AGMO: variants seen among roughly 807,000 people sequenced by gnomAD.
AGMO encodes glyceryl-ether monooxygenase.
Under a neutral mutation model 60.2 loss-of-function variants are expected in AGMO, and 75 were observed. The observed-to-expected ratio is 1.25, with a 90% CI of 1.03 to 1.51. The LOEUF is 1.51. Ranked by LOEUF, AGMO falls within the 40% of genes most tolerant of loss-of-function variation. AGMO has a pLI of 0.00. For missense variants in AGMO, 763 were observed against 525.5 expected, an observed-to-expected ratio of 1.45 and a Z score of -4.42; for synonymous variants, 261 against 177.1, an observed-to-expected ratio of 1.47 and a Z score of -3.76.
intron 12 of AGMO, among the ~76,000 whole-genome samples, chr7:15,231,634 T>C (rs1440044768): frequency 1.3e-5 from 2 of 152,226 alleles, no homozygotes; most frequent in African/African-American, 4.8e-5. Context: ...ATGTTCCATT[T>C]TGCAAAGCAA....
chr7:15,455,863 T>G (rs1781986923), intron 3 of AGMO, among the ~76,000 whole-genome samples: 1 of 152,132 alleles, frequency 6.6e-6, no homozygotes, highest in South Asian at 2.1e-4. Flanking sequence ...TATTCTAAAA[T>G]TTCACAATGA....
intron 12 of AGMO, among the ~76,000 whole-genome samples, chr7:15,354,448 GTGTGTATACAC>G (rs1782418104): frequency 4.5e-5 from 1 of 22,250 alleles, no homozygotes; most frequent in African/African-American, 3.6e-4. Flanking sequence ...ATACACACGT[GTGTGTATACAC>G]ACGTGTGTGT....
intron 3 of AGMO, among the ~76,000 whole-genome samples, chr7:15,533,195 A>T (rs896433864): frequency 6.6e-6 from 1 of 152,094 alleles, no homozygotes; most frequent in African/African-American, 2.4e-5. Flanking sequence ...TAAGTAATAT[A>T]TATTGCCATT....
intron 3 of AGMO, among the ~76,000 whole-genome samples, chr7:15,476,514 AT>A (rs2128515195): frequency 6.6e-6 from 1 of 152,208 alleles, no homozygotes; most frequent in South Asian, 2.1e-4. Context: ...GAAGTAAGTT[AT>A]TATCTCTGTA....
In AGMO at chr7:15,394,127, T is replaced by G; in HGVS notation, c.662A>C (p.His221Pro). 4.3e-6 allele frequency: 7 copies of G among 1,611,622 alleles called. No individual in the cohort carries two copies. Among genetic ancestry groups the G allele is most frequent in the Non-Finnish European group, 5.9e-6 (7 of 1,178,268 alleles). ...LELILNTPSHHRVHHGRNRYC... is the reference protein window; with the variant it reads ...LELILNTPSHPRVHHGRNRYC... ...AACTTCCTTACCATGATGAACCCTA[T>G]GATGGCTAGGAGTATTAAGAATCAG... The change falls in exon 6 of 13, where the codon CAT becomes CCT. Residue 221 changes from histidine to proline, a missense_variant. Coordinates refer to ENST00000342526, the MANE Select transcript of AGMO (RefSeq NM_001004320.2).
At chr7:15,145,334 T>C in the AGMO span, among the ~76,000 whole-genome samples, 1 of 152,126 alleles carries the variant, frequency 6.6e-6, no homozygotes, top group Non-Finnish European at 1.5e-5. Context: ...TAAAATAAAA[T>C]AGCACACAGT....
chr7:15,147,164 C>A, the AGMO span, among the ~76,000 whole-genome samples: 1 of 152,072 alleles, frequency 6.6e-6, no homozygotes, highest in African/African-American at 2.4e-5. Flanking sequence ...ACATGCCAAC[C>A]TTAGAAGAAG....
intron 3 of AGMO, among the ~76,000 whole-genome samples, chr7:15,542,560 G>A (rs1784657977): frequency 6.6e-6 from 1 of 152,150 alleles, no homozygotes; most frequent in Non-Finnish European, 1.5e-5. Flanking sequence ...ACACATCCGT[G>A]TTGGGTAGTG....
intron 4 of AGMO, among the ~76,000 whole-genome samples, chr7:15,419,672 ATG>A (rs948961478): frequency 4.8e-5 from 6 of 125,164 alleles, no homozygotes; most frequent in South Asian, 5.0e-4. Context: ...CATAAGTAGA[ATG>A]TTTTTTTTTT....
intron 12 of AGMO, among the ~76,000 whole-genome samples, chr7:15,310,972 C>T (rs1338951723): frequency 1.3e-5 from 2 of 152,150 alleles, no homozygotes; most frequent in Admixed American, 1.3e-4. Flanking sequence ...TCCCGCCTCC[C>T]TCTTCCATTT....
intron 11 of AGMO, 86 bp downstream of exon 11, chr7:15,366,054 T>TAC (rs1782963814): frequency 1.6e-5 from 15 of 940,056 alleles, no homozygotes; most frequent in Non-Finnish European, 2.2e-5. Context: ...CTACACTAGT[T>TAC]ACATAATATA....
rs1003751025 is a variant in AGMO at position 15,372,253 on chromosome 7, C to A, written c.1075-6031G>T. 2.6e-5 allele frequency among the ~76,000 whole-genome samples: 4 copies of A among 152,090 alleles called. No homozygotes were observed. In the East Asian group the frequency reaches 7.8e-4, roughly 30 times the overall value. ...ATCACTTGAGGTCAGGAGTTCAGGACCAGTCTGGCCAACACGGTGAAATCC... is the reference window on the plus strand; with the variant it reads ...ATCACTTGAGGTCAGGAGTTCAGGAACAGTCTGGCCAACACGGTGAAATCC... On this transcript the variant is annotated intron_variant, in intron 10 of 12. Coordinates refer to ENST00000342526, the MANE Select transcript of AGMO (RefSeq NM_001004320.2).
chr7:15,246,342 C>G (rs180869506), intron 12 of AGMO, among the ~76,000 whole-genome samples: 1 of 151,966 alleles, frequency 6.6e-6, no homozygotes, highest in Non-Finnish European at 1.5e-5. Flanking sequence ...TTAAAACAGT[C>G]TCCAAAAGAT....
At chr7:15,491,335 G>C (rs887643719) in intron 3 of AGMO, among the ~76,000 whole-genome samples, 10 of 152,294 alleles carry the variant, frequency 6.6e-5, no homozygotes, top group African/African-American at 2.4e-4. Context: ...GCAATGCTAA[G>C]AAAAGTGTCA....
intron 10 of AGMO, among the ~76,000 whole-genome samples, chr7:15,366,456 G>C (rs375786832): frequency 6.6e-6 from 1 of 152,014 alleles, no homozygotes; most frequent in South Asian, 2.1e-4. Context: ...TGCTTAAAGT[G>C]TTCATCATCA....
At chr7:15,529,633 A>AGT (rs1562554905) in intron 3 of AGMO, among the ~76,000 whole-genome samples, 1 of 18,754 alleles carries the variant, frequency 5.3e-5, no homozygotes, top group African/African-American at 2.3e-4. Context: ...ATATATATAG[A>AGT]ATATATATAT....
intron 12 of AGMO, among the ~76,000 whole-genome samples, chr7:15,299,838 C>T (rs6461166): frequency 0.52 from 28,162 of 54,160 alleles, 6,092 homozygotes; most frequent in African/African-American, 0.67. Flanking sequence ...CATACACACA[C>T]ACACACACAC....
intron 12 of AGMO, among the ~76,000 whole-genome samples, chr7:15,309,931 G>C (rs974999410): frequency 2.6e-5 from 4 of 152,028 alleles, no homozygotes; most frequent in African/African-American, 7.2e-5. Flanking sequence ...ATCTTTGCAG[G>C]TTTCCAAATT....
chr7:15,291,918 G>A (rs62450296), intron 12 of AGMO, among the ~76,000 whole-genome samples: 11,758 of 152,198 alleles, frequency 0.077, 605 homozygotes, highest in South Asian at 0.19. Flanking sequence ...CTCAGGAATT[G>A]GACATGACCT....
Sources: allele counts gnomAD v4.1 joint callset (sites outside exome capture counted in the v4.1 genomes callset), GRCh38; gene constraint gnomAD v4.1.1; transcripts MANE v1.5; gene names NCBI Gene and HGNC (gene_info 2026-07-23, HGNC 2026-07-21).